Variants in TAF4 observed in about 807,000 individuals in gnomAD.
TAF4 encodes the protein TATA-box binding protein associated factor 4.
TAF4 carries 9 observed loss-of-function variants against 90.3 expected under a neutral mutation model. The ratio of observed to expected loss-of-function variants is 0.10; its 90% CI spans 0.06 to 0.17. The LOEUF (loss-of-function observed/expected upper bound fraction) is 0.17. Among genes scored for constraint, TAF4 ranks in the 10% least tolerant of loss-of-function variants. The pLI is 1.00. For missense variants in TAF4, 1,351 were observed against 1,370.7 expected (o/e 0.99, Z 0.23); for synonymous variants, 818 against 638.9 (o/e 1.28, Z -4.23).
In TAF4 at chr20:62,006,654, G is replaced by A. The variant is rs2055747722; in HGVS notation, c.2079C>T (p.Leu693=). The stretch of plus-strand genomic sequence containing the variant: ...CCGAGCTACTCAGCACCACGGCCGT[G>A]AGCGCAGTGGTGGCCTGCGAGGTGG... The part of the protein sequence containing the change: ...PPPTSQATTA[L]TAVVLSSSVQ... Residue 693 remains leucine (L), a synonymous_variant, in exon 7 of 15, where the codon CTC becomes CTT. Transcript: ENST00000252996. This position sits in a 1 kb window ranked among gnomAD's most constrained non-coding sequence, Gnocchi z 7.0. The A allele has an allele frequency of 6.3e-7, 1 of 1,598,344 alleles. No individual in the cohort carries two copies. Among genetic ancestry groups the A allele is most frequent in the African/African-American group, 1.3e-5 (1 of 74,310 alleles).
chr20:61,990,384 G>C (rs1303546865), intron 14 of TAF4, among the ~76,000 whole-genome samples: 1 of 152,212 alleles, frequency 6.6e-6, no homozygotes, highest in East Asian at 1.9e-4. Context: ...GGAAGACGAT[G>C]ACAGGGGTAG....
chr20:62,014,033 T>G (rs1398877151), intron 2 of TAF4, among the ~76,000 whole-genome samples: 5 of 143,308 alleles, frequency 3.5e-5, no homozygotes, highest in African/African-American at 1.1e-4. Context: ...TGTGTGTGTG[T>G]GTGTGTGTGT....
intron 1 of TAF4, among the ~76,000 whole-genome samples, chr20:62,051,082 T>C (rs1418658693): frequency 2.0e-5 from 3 of 152,160 alleles, no homozygotes; most frequent in Admixed American, 6.5e-5. Flanking sequence ...GAAATCACCA[T>C]GGAAATCACG....
chr20:62,007,757 G>A, intron 5 of TAF4, 121 bp from the exon 6 acceptor site: 1 of 942,528 alleles, frequency 1.1e-6, no homozygotes, highest in Admixed American at 2.6e-5. Flanking sequence ...ACTGGACAGA[G>A]GAGATGGGAA....
chr20:62,004,553 C>T (rs1338368039), intron 7 of TAF4: 5 of 151,842 alleles, frequency 3.3e-5, no homozygotes, highest in African/African-American at 7.3e-5. Context: ...GTCTTGAACT[C>T]CTAGGCTCAA....
chr20:62,010,103 C>T lies in TAF4; in HGVS notation c.1704G>A (p.Gln568=). ...TASLGTATAV[Q]TGTPQRTVPG... is the part of the protein sequence containing the mutation. ...GTACCGTGCGCTGAGGAGTCCCCGTCTGAACAGCCGTCGCCGTCCCAAGTG... is the reference window on the plus strand; with the variant it reads ...GTACCGTGCGCTGAGGAGTCCCCGTTTGAACAGCCGTCGCCGTCCCAAGTG... The change falls in exon 4 of 15, where the codon CAG becomes CAA. Residue 568 remains glutamine, a synonymous_variant. Coordinates refer to ENST00000252996, the MANE Select transcript of TAF4 (RefSeq NM_003185.4). This position sits in a 1 kb window ranked among gnomAD's most constrained non-coding sequence, Gnocchi z 4.5. 6.2e-7 allele frequency: 1 copy of T among 1,613,954 alleles called. No individual in the cohort carries two copies. Among genetic ancestry groups the T allele is most frequent in the Non-Finnish European group, 8.5e-7 (1 of 1,180,016 alleles).
intron 14 of TAF4, among the ~76,000 whole-genome samples, chr20:61,986,552 G>A (rs544732318): frequency 2.0e-4 from 31 of 152,072 alleles, no homozygotes; most frequent in Non-Finnish European, 2.8e-4. Context: ...ACCATCCCCA[G>A]TCAAAGGAAG....
At chr20:62,062,873 G>GC (rs1180897109) in intron 1 of TAF4, among the ~76,000 whole-genome samples, 1 of 152,176 alleles carries the variant, frequency 6.6e-6, no homozygotes, top group Non-Finnish European at 1.5e-5. Flanking sequence ...CCAAAGGGGT[G>GC]CAACAGGCAC....
intron 10 of TAF4, 119 bp downstream of exon 10, chr20:62,000,433 G>A (rs2055692330): frequency 7.1e-7 from 1 of 1,417,032 alleles, no homozygotes. Context: ...CAGCAACCAT[G>A]TGGAAATCAC....
intron 14 of TAF4, among the ~76,000 whole-genome samples, chr20:61,995,447 G>A (rs2123117050): frequency 6.6e-6 from 1 of 152,292 alleles, no homozygotes; most frequent in East Asian, 1.9e-4. Context: ...TTCCAGTCTG[G>A]AAAACAAAGA....
intron 1 of TAF4, among the ~76,000 whole-genome samples, chr20:62,061,898 A>C (rs1341878625): frequency 6.6e-6 from 1 of 152,240 alleles, no homozygotes; most frequent in Non-Finnish European, 1.5e-5. Flanking sequence ...AACCAAATTC[A>C]ACATACCCGG....
At chr20:61,987,612 C>A (rs1042652722) in intron 14 of TAF4, among the ~76,000 whole-genome samples, 1 of 152,176 alleles carries the variant, frequency 6.6e-6, no homozygotes, top group Non-Finnish European at 1.5e-5. Context: ...GACCCTCAGC[C>A]GTGGCTGCTG....
Position 62,021,607 on chromosome 20 carries a change from G to A in TAF4, c.1361-6900C>T, listed in dbSNP as rs376473851. Among the ~76,000 whole-genome samples, 56 of 152,360 alleles carry A rather than the reference G, an allele frequency of 3.7e-4. No homozygotes were observed. The South Asian group carries it at 0.011, about 30-fold the overall frequency. ...GCGGACTGCGGCTGGGCAGCCAGAC[G>A]GTCGCTAGCTGACACTCACTCGGCA... On this transcript the variant is annotated intron_variant, in intron 1 of 14. Transcript: ENST00000252996.
intron 1 of TAF4, among the ~76,000 whole-genome samples, chr20:62,031,288 G>A (rs890283960): frequency 1.2e-4 from 19 of 152,166 alleles, no homozygotes; most frequent in African/African-American, 3.1e-4. Context: ...TCCAGGCACC[G>A]CACACCTTGA....
At position 62,010,580 on chromosome 20, in the gene TAF4, G is replaced by C. The variant is rs887669313; in HGVS notation, c.1642-415C>G. ...GCTCCTGAAAGCTCCATCCTCCCAG[G>C]TGCAGAGGCTGGCTACAGGGCGGTC... On this transcript the variant is annotated intron_variant, in intron 3 of 14. Transcript: ENST00000252996. The surrounding 1 kb of genome is among the most constrained non-coding windows in gnomAD (Gnocchi z 4.5). Among the ~76,000 whole-genome samples the C allele has an allele frequency of 1.3e-5, 2 of 152,074 alleles. No homozygotes were observed. The highest frequency in any genetic ancestry group is 2.4e-5 in the African/African-American group (1 of 41,396).
At chr20:62,000,277 A>G in intron 10 of TAF4, 23 bp from the exon 11 acceptor site, 1 of 1,610,056 alleles carries the variant, frequency 6.2e-7, no homozygotes, top group Non-Finnish European at 8.5e-7. Flanking sequence ...CAAGAAAAAC[A>G]GTATTTTAAA....
Position 62,064,659 on chromosome 20 carries a change from G to A in TAF4, c.1152C>T (p.Pro384=), listed in dbSNP as rs1316315147. 6.1e-6 allele frequency: 8 copies of A among 1,307,252 alleles called. No individual in the cohort carries two copies. The highest frequency in any genetic ancestry group is 6.7e-5 in the East Asian group (2 of 29,732). The allele number at this position is 1,307,252 out of a possible 1,614,324, so 81.0% of individuals were successfully genotyped here. ...VIGPTMQGAL[P]SPAAVPPPAP... The stretch of plus-strand genomic sequence containing the variant: ...CGGGCGGCGGGACGGCGGCCGGGCT[G>A]GGCAGCGCCCCTTGCATAGTTGGCC... The change falls in exon 1 of 15, where the codon CCC becomes CCT. Residue 384 remains proline, a synonymous_variant. Transcript: ENST00000252996.
intron 13 of TAF4, 111 bp from the exon 14 acceptor site, chr20:61,997,780 TTC>T (rs2055672482): frequency 7.4e-7 from 1 of 1,345,458 alleles, no homozygotes; most frequent in Non-Finnish European, 9.9e-7. Flanking sequence ...AAATCATAAC[TTC>T]TTTAATGTTT....
At chr20:62,056,115 T>C (rs1827485044) in intron 1 of TAF4, among the ~76,000 whole-genome samples, 1 of 152,160 alleles carries the variant, frequency 6.6e-6, no homozygotes, top group South Asian at 2.1e-4. Flanking sequence ...TACATGCCTG[T>C]ATTCCCAGCT....
Sources: allele counts gnomAD v4.1 joint callset (sites outside exome capture counted in the v4.1 genomes callset), GRCh38; gene constraint gnomAD v4.1.1; non-coding constraint Gnocchi (gnomAD v3.1); transcripts MANE v1.5; gene names NCBI Gene and HGNC (gene_info 2026-07-23, HGNC 2026-07-21).